ZFP36L1: variants seen among roughly 807,000 people sequenced by gnomAD.
ZFP36L1 encodes mRNA decay activator protein ZFP36L1.
In ZFP36L1, 4 loss-of-function variants were observed where a neutral mutation model predicts 16.7. The ratio of observed to expected loss-of-function variants is 0.24; its 90% CI spans 0.12 to 0.55. The LOEUF (loss-of-function observed/expected upper bound fraction) is 0.55, where lower values mean the gene tolerates loss of function less well. ZFP36L1 is among the 20% of genes least tolerant of loss of function. The probability of loss-of-function intolerance (pLI) is 0.94; values close to 1 mark genes in which losing one functional copy is unlikely to be tolerated. For missense variants in ZFP36L1, 311 were observed against 449.2 expected (o/e 0.69, Z 2.78); for synonymous variants, 220 against 190.8 (o/e 1.15, Z -1.26).
chr14:68,789,897 C>T lies in ZFP36L1; in HGVS notation c.653G>A (p.Gly218Glu). The T allele has an allele frequency of 6.2e-7, 1 of 1,609,924 alleles. No homozygotes were observed. Among genetic ancestry groups the T allele is most frequent in the Non-Finnish European group, 8.5e-7 (1 of 1,179,776 alleles). ...PSAAATAAAT[G>E]LLDSPTSITP... ...GATGGACGTGGGGCTGTCCAGCAGCCCGGTGGCAGCGGCGGTGGCAGCGGC... is the reference window on the plus strand; with the variant it reads ...GATGGACGTGGGGCTGTCCAGCAGCTCGGTGGCAGCGGCGGTGGCAGCGGC... The change falls in exon 2 of 2, where the codon GGG (glycine) becomes GAG (glutamate). Residue 218 changes from glycine (G) to glutamate (E), a missense_variant. Physicochemically the swap from Gly to Glu is moderately conservative, Grantham distance 98. Transcript: ENST00000439696. This position sits in a 1 kb window ranked among gnomAD's most constrained non-coding sequence, Gnocchi z 4.5.
chr14:68,790,629 T>C, intron 1 of ZFP36L1, 137 bp from the exon 2 acceptor site: 2 of 1,228,224 alleles, frequency 1.6e-6, no homozygotes, highest in Non-Finnish European at 2.3e-6. Flanking sequence ...GCAAGCTCCC[T>C]TCCCTCTCTC....
Position 68,789,952 on chromosome 14 carries a change from G to C in ZFP36L1, c.598C>G (p.His200Asp). Residue 200 changes from histidine to aspartate, a missense_variant, in exon 2 of 2, where the codon CAT (histidine) becomes GAT (aspartate). Physicochemically the swap from His to Asp is moderately conservative, Grantham distance 81. Coordinates refer to ENST00000439696, the MANE Select transcript of ZFP36L1 (RefSeq NM_004926.4). The surrounding 1 kb of genome is among the most constrained non-coding windows in gnomAD (Gnocchi z 4.5). The stretch of plus-strand genomic sequence containing the variant: ...GGAAACCCAGCAAAGCTAAAGCTAT[G>C]CTGGAGGCGGGGACGGTCAGCGGAG... ...DLSADRPRLQ[H>D]SFSFAGFPSA... is the part of the protein sequence containing the mutation. 6.2e-7 allele frequency: 1 copy of C among 1,608,400 alleles called. No homozygotes were observed. Among genetic ancestry groups the C allele is most frequent in the Non-Finnish European group, 8.5e-7 (1 of 1,178,024 alleles).
upstream of ZFP36L1, chr14:68,795,922 G>C (rs775478326): frequency 1.8e-6 from 2 of 1,089,418 alleles, no homozygotes; most frequent in South Asian, 2.4e-5. Flanking sequence ...TCGCCCAGAC[G>C]TGGTCGACAG....
Position 68,793,013 on chromosome 14 carries a change from C to T in ZFP36L1, c.-75G>A. 1 of 1,607,750 alleles carries T rather than the reference C, an allele frequency of 6.2e-7. No homozygotes were observed. Among genetic ancestry groups the T allele is most frequent in the Non-Finnish European group, 8.5e-7 (1 of 1,178,990 alleles). On this transcript the variant is annotated 5_prime_UTR_variant, in exon 1 of 2. Coordinates refer to ENST00000439696, the MANE Select transcript of ZFP36L1 (RefSeq NM_004926.4). ...TCCCGGTGCGGGGAAGGCGCAGCCT[C>T]TCCTGTCTGGAGTCCCACACGCCAG...
upstream of ZFP36L1, among the ~76,000 whole-genome samples, chr14:68,794,946 G>A (rs753123137): frequency 1.3e-5 from 2 of 152,098 alleles, no homozygotes; most frequent in Non-Finnish European, 2.9e-5. Context: ...CTTTAACTCG[G>A]CTGCTGCCCC....
Position 68,788,219 on chromosome 14 carries a change from GA to G in ZFP36L1, c.*1313del, listed in dbSNP as rs1406161624. ...ATATATTAAAACTGTGGAAAAAAAGGAAAAAGACACGTCACAAAATTTTAAG... is the reference window on the plus strand; with the variant it reads ...ATATATTAAAACTGTGGAAAAAAAGGAAAAGACACGTCACAAAATTTTAAG... On this transcript the variant is annotated 3_prime_UTR_variant, in exon 2 of 2. Coordinates refer to ENST00000439696, the MANE Select transcript of ZFP36L1 (RefSeq NM_004926.4). The G allele has an allele frequency of 1.3e-5, 2 of 151,404 alleles. No homozygotes were observed. Among genetic ancestry groups the G allele is most frequent in the Non-Finnish European group, 2.9e-5 (2 of 67,886 alleles). 9.4% of individuals were successfully genotyped at this position (151,404 alleles called of 1,614,324 possible).
chr14:68,795,519 C>G (rs1018568588), upstream of ZFP36L1, among the ~76,000 whole-genome samples: 2 of 152,258 alleles, frequency 1.3e-5, no homozygotes, highest in Non-Finnish European at 2.9e-5. Flanking sequence ...CCCTCCAAGG[C>G]TGCGGGACCG....
chr14:68,796,192 A>G, upstream of ZFP36L1: 3 of 1,366,638 alleles, frequency 2.2e-6, no homozygotes, highest in Non-Finnish European at 2.9e-6. Flanking sequence ...CGGCCCAGGT[A>G]TTTTAGCTTG....
chr14:68,788,957 G>C lies in ZFP36L1; in HGVS notation c.*576C>G. The C allele has an allele frequency of 6.6e-6, 1 of 152,316 alleles. No individual in the cohort carries two copies. The highest frequency in any genetic ancestry group is 2.4e-5 in the African/African-American group (1 of 41,364). The allele number at this position is 152,316 out of a possible 1,614,324, so 9.4% of individuals were successfully genotyped here. A position where few individuals can be genotyped will look rare whatever the true frequency, so the allele number is the denominator to read the frequency against. ...TGGGGGGGGTGGGGGGGCGGGTACA[G>C]GTGGAGAGGTGCCACCGGGAAGAGG... On this transcript the variant is annotated 3_prime_UTR_variant, in exon 2 of 2. Coordinates refer to ENST00000439696, the MANE Select transcript of ZFP36L1 (RefSeq NM_004926.4).
At chr14:68,792,156 G>C (rs1006091181) in intron 1 of ZFP36L1, among the ~76,000 whole-genome samples, 6 of 151,894 alleles carry the variant, frequency 4.0e-5, no homozygotes, top group East Asian at 1.9e-4. Context: ...CGGGACTCTC[G>C]AGTTCAAGCC....
chr14:68,790,992 G>C (rs1895053052), intron 1 of ZFP36L1: 1 of 699,404 alleles, frequency 1.4e-6, no homozygotes, highest in African/African-American at 1.8e-5. Context: ...CCTGGCCTAA[G>C]ACTCTCAACT....
Position 68,789,710 on chromosome 14 carries a change from C to A in ZFP36L1, c.840G>T (p.Arg280=), listed in dbSNP as rs149903285. Residue 280 remains arginine, a synonymous_variant, in exon 2 of 2, where the codon CGG becomes CGT. Transcript: ENST00000439696. The surrounding 1 kb of genome is among the most constrained non-coding windows in gnomAD (Gnocchi z 4.5). Reference sequence around the variant, plus strand: ...ACATGTGAGGGGACTCGGACATGGGCCGGAAGAGGAAGGTGGTCGGGGAGC... The same window carrying A: ...ACATGTGAGGGGACTCGGACATGGGACGGAAGAGGAAGGTGGTCGGGGAGC... The part of the protein sequence containing the change: ...GGGSPTTFLF[R]PMSESPHMFD... The A allele has an allele frequency of 1.2e-6, 2 of 1,613,940 alleles. No homozygotes were observed. Among genetic ancestry groups the A allele is most frequent in the Non-Finnish European group, 8.5e-7 (1 of 1,179,978 alleles).
intron 1 of ZFP36L1, 104 bp downstream of exon 1, chr14:68,792,778 G>A (rs1895133208): frequency 1.4e-6 from 2 of 1,473,606 alleles, no homozygotes; most frequent in Non-Finnish European, 9.4e-7. Flanking sequence ...TCATCTCGCT[G>A]CACCACTTTC....
chr14:68,791,113 T>G (rs1374066755), intron 1 of ZFP36L1: 1 of 695,176 alleles, frequency 1.4e-6, no homozygotes. Context: ...GAGACAGGGA[T>G]GTGATTCCTG....
At chr14:68,793,407 G>A (rs1257518098), upstream of ZFP36L1, 13 of 1,000,318 alleles carry the variant, frequency 1.3e-5, no homozygotes, top group Non-Finnish European at 1.4e-5. Flanking sequence ...GGGCCGCGCG[G>A]GCGCAGAGCG....
upstream of ZFP36L1, among the ~76,000 whole-genome samples, chr14:68,795,484 C>T (rs2140215440): frequency 6.6e-6 from 1 of 152,344 alleles, no homozygotes. Flanking sequence ...ACCGGCTATG[C>T]CCCTGCTTCG....
Position 68,790,867 on chromosome 14 carries a change from G to A in ZFP36L1, c.58-375C>T. 4.2e-6 allele frequency: 2 copies of A among 476,790 alleles called. 1 individual carries two copies. 29.5% of individuals were successfully genotyped at this position (476,790 alleles called of 1,614,324 possible). ...AGACCTCTCTAGATTACCGCACCCC[G>A]CCCCCGCCACCGCCCGCGACAAAAA... On this transcript the variant is annotated intron_variant, in intron 1 of 1. Coordinates refer to ENST00000439696, the MANE Select transcript of ZFP36L1 (RefSeq NM_004926.4).
chr14:68,788,333 A>G lies in ZFP36L1; in HGVS notation c.*1200T>C, dbSNP rs1037655362. ...AATATGAACAAAATTAACAAAAAAA[A>G]GCATAGTTTGGCAATAAATACGTTT... On this transcript the variant is annotated 3_prime_UTR_variant, in exon 2 of 2. Transcript: ENST00000439696. 3 of 152,702 alleles carry G rather than the reference A, an allele frequency of 2.0e-5. No individual in the cohort carries two copies. The highest frequency in any genetic ancestry group is 6.5e-5 in the Admixed American group (1 of 15,302). 9.5% of individuals were successfully genotyped at this position (152,702 alleles called of 1,614,324 possible).
upstream of ZFP36L1, chr14:68,794,228 G>T: frequency 6.6e-6 from 1 of 152,436 alleles, no homozygotes; most frequent in Non-Finnish European, 1.5e-5. Context: ...GTAAAGAGGT[G>T]GAGGGAGGCG....
Sources: gnomAD v4.1 joint callset for allele counts (sites outside exome capture counted in the v4.1 genomes callset) on GRCh38, gnomAD v4.1.1 for gene constraint, Gnocchi (gnomAD v3.1) non-coding constraint, MANE v1.5 for transcripts, NCBI Gene and HGNC (gene_info 2026-07-23, HGNC 2026-07-21) for gene names.